FAM13C: variants seen among roughly 807,000 people sequenced by gnomAD.
FAM13C encodes family with sequence similarity 13 member C.
In FAM13C, 37 loss-of-function variants were observed where a neutral mutation model predicts 73.2. The ratio of observed to expected loss-of-function variants is 0.51; its 90% CI spans 0.39 to 0.67. The LOEUF is 0.67. Ranked by LOEUF, FAM13C falls within the 30% of genes least tolerant of loss-of-function variation. The pLI, the probability that FAM13C is intolerant of heterozygous loss-of-function variation, is 0.00. For missense variants in FAM13C, 589 were observed against 715.6 expected, an observed-to-expected ratio of 0.82 and a Z score of 2.02; for synonymous variants, 246 against 260.9, an observed-to-expected ratio of 0.94 and a Z score of 0.55.
chr10:59,292,498 C>T (rs895663714), intron 5 of FAM13C, among the ~76,000 whole-genome samples: 2 of 152,366 alleles, frequency 1.3e-5, no homozygotes, highest in East Asian at 1.9e-4. Context: ...GATGCTGGCT[C>T]ATAGGCCATC....
intron 3 of FAM13C, among the ~76,000 whole-genome samples, chr10:59,344,445 A>ATG (rs1854012178): frequency 7.0e-6 from 1 of 143,526 alleles, no homozygotes; most frequent in African/African-American, 2.6e-5. Context: ...CGCACGGCTG[A>ATG]TTTTTTTTTT....
In FAM13C at chr10:59,352,443, C is replaced by T. The variant is rs769470326; in HGVS notation, c.151G>A (p.Ala51Thr). 6 of 1,612,632 alleles carry T rather than the reference C, an allele frequency of 3.7e-6. No individual in the cohort carries two copies. Among genetic ancestry groups the T allele is most frequent in the East Asian group, 2.2e-5 (1 of 44,888 alleles). Residue 51 changes from alanine to threonine, a missense_variant, in exon 3 of 14, where the codon GCA becomes ACA. Ala to Thr is a moderately conservative substitution (Grantham distance 58, BLOSUM62 0). Coordinates refer to ENST00000618804, the MANE Select transcript of FAM13C (RefSeq NM_198215.4). ...GCGTGCTCTTCTACCAGAGCCCCTG[C>T]GTCGGGGTAGTTCTCTTTATTGTTT... ...DENNKENYPD[A>T]GALVEEHAPP...
chr10:59,300,325 T>C lies in FAM13C; in HGVS notation c.507+2476A>G, dbSNP rs114444831. Among the ~76,000 whole-genome samples the C allele has an allele frequency of 3.6e-3, 546 of 152,334 alleles. 5 individuals carry two copies. Among genetic ancestry groups the C allele is most frequent in the African/African-American group, 0.012 (515 of 41,572 alleles). ...ACATATGGAAACATCTGGAAAACAC[T>C]TTTGGACCATGATTCTCATGAGGCT... On this transcript the variant is annotated intron_variant, in intron 5 of 13. Coordinates refer to ENST00000618804, the MANE Select transcript of FAM13C (RefSeq NM_198215.4).
rs368988254 is a variant in FAM13C at position 59,284,119 on chromosome 10, G to A, written c.508-672C>T. 1.2e-3 allele frequency among the ~76,000 whole-genome samples: 176 copies of A among 151,964 alleles called. 1 individual carries two copies. Among genetic ancestry groups the A allele is most frequent in the African/African-American group, 3.9e-3 (163 of 41,420 alleles). ...GAAAAGGGTGGAGGGAGATGACCTT[G>A]GTCATTTAGCATAACCTAGCCACTG... is the stretch of plus-strand genomic sequence containing the variant. On this transcript the variant is annotated intron_variant, in intron 5 of 13. Coordinates refer to ENST00000618804, the MANE Select transcript of FAM13C (RefSeq NM_198215.4).
At chr10:59,302,130 A>G (rs1847680285) in intron 5 of FAM13C, among the ~76,000 whole-genome samples, 1 of 152,204 alleles carries the variant, frequency 6.6e-6, no homozygotes, top group Non-Finnish European at 1.5e-5. Flanking sequence ...ACTACTACTT[A>G]ATTTACAATG....
chr10:59,252,225 G>T (rs1841452828), intron 12 of FAM13C, among the ~76,000 whole-genome samples: 1 of 152,100 alleles, frequency 6.6e-6, no homozygotes, highest in Non-Finnish European at 1.5e-5. Flanking sequence ...CAGGAATCTG[G>T]TATATACACA....
intron 5 of FAM13C, among the ~76,000 whole-genome samples, chr10:59,284,948 T>C (rs2133708211): frequency 6.6e-6 from 1 of 151,824 alleles, no homozygotes; most frequent in South Asian, 2.1e-4. Context: ...ATCCAACATC[T>C]CTCACACCCC....
At chr10:59,331,409 G>A (rs192415321) in intron 3 of FAM13C, among the ~76,000 whole-genome samples, 105 of 152,254 alleles carry the variant, frequency 6.9e-4, no homozygotes, top group African/African-American at 2.4e-3. Context: ...ACTCCGGATG[G>A]GTGACTATTT....
intron 5 of FAM13C, among the ~76,000 whole-genome samples, chr10:59,298,880 G>A (rs284594): frequency 1 from 152,292 of 152,294 alleles, 76,145 homozygotes; most frequent in Middle Eastern, 1. Flanking sequence ...CCTCAATACT[G>A]TAAGATCTCA....
chr10:59,359,634 G>A (rs534813772), intron 1 of FAM13C, among the ~76,000 whole-genome samples: 36 of 152,200 alleles, frequency 2.4e-4, no homozygotes, highest in Non-Finnish European at 4.6e-4. Flanking sequence ...CAGAGCCCAG[G>A]AATGTGGATT....
chr10:59,360,853 GAAAAAA>G (rs10615623), intron 1 of FAM13C, among the ~76,000 whole-genome samples: 6 of 57,992 alleles, frequency 1.0e-4, no homozygotes, highest in Non-Finnish European at 2.0e-4. Flanking sequence ...AACCTCTACA[GAAAAAA>G]AAAAAAAAAA....
chr10:59,302,731 T>C, intron 5 of FAM13C, 70 bp downstream of exon 5: 2 of 1,413,586 alleles, frequency 1.4e-6, no homozygotes, highest in Admixed American at 1.7e-5. Flanking sequence ...TTCCTAGTAC[T>C]GTGAAAAAGA....
rs986293803 is a variant in FAM13C, at chr10:59,269,775, C to G, written c.803+124G>C. ...ACACTAATTTTTGTCATTTATTGTT[C>G]CAGTCTCGCAGTTGCGTTAGGCAGG... is the stretch of plus-strand genomic sequence containing the variant. On this transcript the variant is annotated intron_variant, in intron 7 of 13. Coordinates refer to ENST00000618804, the MANE Select transcript of FAM13C (RefSeq NM_198215.4). 4.6e-5 allele frequency: 52 copies of G among 1,138,454 alleles called. No homozygotes were observed. The African/African-American group carries it at 7.6e-4, about 17-fold the overall frequency. The allele number at this position is 1,138,454 out of a possible 1,614,324, so 70.5% of individuals were successfully genotyped here. A position where few individuals can be genotyped will look rare whatever the true frequency, so the allele number is the denominator to read the frequency against.
intron 5 of FAM13C, among the ~76,000 whole-genome samples, chr10:59,291,802 T>A (rs1589479304): frequency 6.7e-6 from 1 of 148,506 alleles, no homozygotes; most frequent in East Asian, 2.0e-4. Context: ...TTTTTTTTTT[T>A]TTTTGAGATG....
At chr10:59,324,218 C>T (rs1850771840) in intron 3 of FAM13C, 112 bp from the exon 4 acceptor site, 1 of 792,706 alleles carries the variant, frequency 1.3e-6, no homozygotes, top group East Asian at 2.6e-5. Flanking sequence ...ATAACACATT[C>T]TGCTGATTGT....
chr10:59,270,001 T>C lies in FAM13C; in HGVS notation c.701A>G (p.Asn234Ser), dbSNP rs747602970. ...RLLYHITDGD[N>S]PLLSPRCSIF... ...GGAGCATCGTGGCGACAGCAGTGGG[T>C]TATCACCATCAGTGATGTGATAGAG... Residue 234 changes from asparagine to serine, a missense_variant, in exon 7 of 14, where the codon AAC becomes AGC. Physicochemically the swap from Asn to Ser is conservative, Grantham distance 46 (BLOSUM62 1). Transcript: ENST00000618804. 6.2e-7 allele frequency: 1 copy of C among 1,613,980 alleles called. No homozygotes were observed. The highest frequency in any genetic ancestry group is 2.2e-5 in the East Asian group (1 of 44,864).
At chr10:59,265,347 C>G (rs1842962796) in intron 8 of FAM13C, among the ~76,000 whole-genome samples, 1 of 95,132 alleles carries the variant, frequency 1.1e-5, no homozygotes, top group Non-Finnish European at 1.9e-5. Flanking sequence ...ATCCTGGTTT[C>G]AGGACCATGG....
At chr10:59,265,488 T>C (rs1842977731) in intron 8 of FAM13C, among the ~76,000 whole-genome samples, 1 of 152,086 alleles carries the variant, frequency 6.6e-6, no homozygotes, top group Non-Finnish European at 1.5e-5. Flanking sequence ...ACACGGAAAG[T>C]CAATGTTTTA....
chr10:59,335,075 T>G (rs933537345), intron 3 of FAM13C, among the ~76,000 whole-genome samples: 2 of 152,158 alleles, frequency 1.3e-5, no homozygotes, highest in African/African-American at 2.4e-5. Context: ...AACTCTACAG[T>G]GGCCAACTTT....
Sources: gnomAD v4.1 joint callset for allele counts (sites outside exome capture counted in the v4.1 genomes callset) on GRCh38, gnomAD v4.1.1 for gene constraint, MANE v1.5 for transcripts, NCBI Gene and HGNC (gene_info 2026-07-23, HGNC 2026-07-21) for gene names.